CNDP2: variants seen among roughly 807,000 people sequenced by gnomAD.
CNDP2 encodes the protein cytosolic non-specific dipeptidase.
A neutral mutation model predicts 55.0 loss-of-function variants in CNDP2; 38 were observed. The ratio of observed to expected loss-of-function variants is 0.69; its 90% confidence interval spans 0.53 to 0.90. The LOEUF is 0.90. CNDP2 is among the 40% of genes least tolerant of loss of function. CNDP2 has a pLI of 0.00. For missense variants in CNDP2, 607 were observed against 621.7 expected (o/e 0.98, Z 0.25); for synonymous variants, 241 against 260.2 (o/e 0.93, Z 0.71).
rs140625371 is a variant in CNDP2, at chr18:74,505,905, C to T, written c.261C>T (p.Ser87=). The T allele has an allele frequency of 1.6e-4, 252 of 1,611,814 alleles. No homozygotes were observed. The highest frequency in any genetic ancestry group is 1.6e-4 in the Middle Eastern group (1 of 6,078). Residue 87 remains serine (S), a synonymous_variant, in exon 4 of 12, where the codon TCC becomes TCT. Coordinates refer to ENST00000324262, the MANE Select transcript of CNDP2 (RefSeq NM_018235.3). ...CTATTCTGCTCGGCAGGCTGGGCTC[C>T]GACCCACAGAAGAAGACCGTGTGCA... ...LPPILLGRLG[S]DPQKKTVCIY...
chr18:74,510,723 C>G, intron 5 of CNDP2, 90 bp from the exon 6 acceptor site: 1 of 1,142,586 alleles, frequency 8.8e-7, no homozygotes, highest in Non-Finnish European at 1.3e-6. Context: ...TGGAGAATGC[C>G]GGAGATGTGA....
rs1030024003 is a variant in CNDP2, at chr18:74,522,841, G to T, written c.*2773G>T. On this transcript the variant is annotated 3_prime_UTR_variant, in exon 12 of 12. Transcript: ENST00000324262. ...CCTGCAGCAGCCTGCGGCGGTCACC[G>T]TGCTAACACGTGCAGCAGCCTGTGT... 1 of 152,306 alleles carries T rather than the reference G, an allele frequency of 6.6e-6. No homozygotes were observed. The highest frequency in any genetic ancestry group is 6.5e-5 in the Admixed American group (1 of 15,292). 9.4% of individuals were successfully genotyped at this position (152,306 alleles called of 1,614,324 possible). A position where few individuals can be genotyped will look rare whatever the true frequency, so the allele number is the denominator to read the frequency against.
intron 10 of CNDP2, 82 bp from the exon 11 acceptor site, chr18:74,518,867 T>G: frequency 6.3e-7 from 1 of 1,578,894 alleles, no homozygotes; most frequent in Non-Finnish European, 8.6e-7. Context: ...TCTGACTGAG[T>G]GCTACTGAGT....
At chr18:74,510,455 C>G (rs1028629512) in intron 5 of CNDP2, among the ~76,000 whole-genome samples, 1 of 152,224 alleles carries the variant, frequency 6.6e-6, no homozygotes, top group Non-Finnish European at 1.5e-5. Flanking sequence ...GAAGGTCACA[C>G]AGGAGGACCC....
intron 3 of CNDP2, 130 bp downstream of exon 3, chr18:74,501,602 G>T (rs1003993094): frequency 2.4e-5 from 29 of 1,228,746 alleles, no homozygotes; most frequent in Non-Finnish European, 3.2e-5. Flanking sequence ...AAAAAAGGAA[G>T]GGCCTGATTT....
At chr18:74,509,090 G>T in intron 5 of CNDP2, 162 bp downstream of exon 5, 1 of 579,082 alleles carries the variant, frequency 1.7e-6, no homozygotes, top group Non-Finnish European at 3.1e-6. Context: ...TAAGAGTATA[G>T]GTTTGTTTTC....
At chr18:74,518,817 C>T in intron 10 of CNDP2, 132 bp from the exon 11 acceptor site, 1 of 1,468,608 alleles carries the variant, frequency 6.8e-7, no homozygotes, top group East Asian at 2.3e-5. Context: ...CCTGGCGGAC[C>T]TTGAACGCGG....
At chr18:74,514,005 A>T (rs547444740) in intron 8 of CNDP2, among the ~76,000 whole-genome samples, 5 of 152,306 alleles carry the variant, frequency 3.3e-5, no homozygotes, top group South Asian at 2.1e-4. Context: ...TTTATAGAGT[A>T]ACCTCCTTAC....
chr18:74,520,022 A>C lies in CNDP2; in HGVS notation c.1382A>C (p.Lys461Thr). 1 of 1,614,150 alleles carries C rather than the reference A, an allele frequency of 6.2e-7. No homozygotes were observed. Among genetic ancestry groups the C allele is most frequent in the Non-Finnish European group, 8.5e-7 (1 of 1,180,012 alleles). The change falls in exon 12 of 12, where the codon AAG (lysine) becomes ACG (threonine). Residue 461 changes from lysine to threonine, a missense_variant. Transcript: ENST00000324262. ...LNRYNYIEGT[K>T]MLAAYLYEVS... ...AGGTATAACTACATAGAGGGAACCAAGATGCTGGCCGCGTACCTGTATGAG... is the reference window on the plus strand; with the variant it reads ...AGGTATAACTACATAGAGGGAACCACGATGCTGGCCGCGTACCTGTATGAG...
At chr18:74,519,787 T>C (rs1034094610) in intron 11 of CNDP2, among the ~76,000 whole-genome samples, 1 of 152,200 alleles carries the variant, frequency 6.6e-6, no homozygotes, top group Non-Finnish European at 1.5e-5. Flanking sequence ...GGGACCAGGA[T>C]TGGTCTCTGG....
At chr18:74,518,718 G>T (rs1218740221) in intron 10 of CNDP2, 78 bp downstream of exon 10, 33 of 1,575,380 alleles carry the variant, frequency 2.1e-5, no homozygotes, top group Non-Finnish European at 2.6e-5. Context: ...TCGCGTGGGC[G>T]TGTAGCTATG....
In CNDP2 at chr18:74,520,132, A is replaced by G. The variant is rs370035992; in HGVS notation, c.*64A>G. On this transcript the variant is annotated 3_prime_UTR_variant, in exon 12 of 12. Transcript: ENST00000324262. ...CCTGCCCTCACCTCACCCTTTTCCA[A>G]CTTGCCCAGGGAAGTGGAGGTTCCC... The G allele has an allele frequency of 2.0e-6, 3 of 1,536,444 alleles. No homozygotes were observed. Among genetic ancestry groups the G allele is most frequent in the Non-Finnish European group, 2.7e-6 (3 of 1,112,112 alleles).
At position 74,501,356 on chromosome 18, in the gene CNDP2, AGT is replaced by A. The variant is rs1201912821; in HGVS notation, c.93_94del (p.Ser32CysfsTer21). On this transcript the variant is annotated frameshift_variant, in exon 3 of 12. Transcript: ENST00000324262. LOFTEE classifies it high-confidence loss of function. The part of the protein sequence containing the change: ...KKLAKWVAIQ[S>X]VSAWPEKRGE... ...ACTCGCAAAATGGGTGGCTATCCAG[AGT>A]GTGTCTGCGTGGCCGGAGAAGAGAG... 1.2e-6 allele frequency: 2 copies of A among 1,613,640 alleles called. No individual in the cohort carries two copies. Among genetic ancestry groups the A allele is most frequent in the Non-Finnish European group, 8.5e-7 (1 of 1,179,828 alleles).
intron 4 of CNDP2, chr18:74,507,091 G>A (rs902610623): frequency 1.3e-5 from 2 of 152,208 alleles, no homozygotes; most frequent in Non-Finnish European, 2.9e-5. Flanking sequence ...GTAATTCCAT[G>A]TCATTGTCCT....
Position 74,506,040 on chromosome 18 carries a change from GA to G in CNDP2, c.367+30del, listed in dbSNP as rs781330972. ...AGCGCCGCGCGCCTATGCGTGCCCA[GA>G]GGAAAGGCACTGACTTTTGGAAAGT... is the stretch of plus-strand genomic sequence containing the variant. On this transcript the variant is annotated intron_variant, in intron 4 of 11. Coordinates refer to ENST00000324262, the MANE Select transcript of CNDP2 (RefSeq NM_018235.3). 3.3e-6 allele frequency: 5 copies of G among 1,527,018 alleles called. No individual in the cohort carries two copies. In the South Asian group the frequency reaches 3.9e-5, roughly 12 times the overall value. The allele number at this position is 1,527,018 out of a possible 1,614,324, so 94.6% of individuals were successfully genotyped here.
chr18:74,518,210 C>T lies in CNDP2; in HGVS notation c.1069-289C>T, dbSNP rs188781605. 5.2e-3 allele frequency: 1,091 copies of T among 211,172 alleles called. 2 individuals carry two copies. Among genetic ancestry groups the T allele is most frequent in the Middle Eastern group, 0.014 (7 of 504 alleles). The allele number at this position is 211,172 out of a possible 1,614,324, so 13.1% of individuals were successfully genotyped here. A position where few individuals can be genotyped will look rare whatever the true frequency, so the allele number is the denominator to read the frequency against. On this transcript the variant is annotated intron_variant, in intron 9 of 11. Coordinates refer to ENST00000324262, the MANE Select transcript of CNDP2 (RefSeq NM_018235.3). Reference sequence around the variant, plus strand: ...CCGGGAGGCGGAGCTTGCAGTGAGCCGAGATCACGCCACTGTGCTCCAGCC... The same window carrying T: ...CCGGGAGGCGGAGCTTGCAGTGAGCTGAGATCACGCCACTGTGCTCCAGCC...
intron 5 of CNDP2, chr18:74,509,764 A>G (rs574996818): frequency 6.6e-6 from 1 of 152,294 alleles, no homozygotes; most frequent in Admixed American, 6.5e-5. Flanking sequence ...GAAATCTACC[A>G]AGATTTTCTG....
At chr18:74,505,213 A>G (rs1281874162) in intron 3 of CNDP2, 1 of 152,286 alleles carries the variant, frequency 6.6e-6, no homozygotes, top group Non-Finnish European at 1.5e-5. Flanking sequence ...TATTTTAACC[A>G]TCATTTCAGA....
intron 9 of CNDP2, 101 bp downstream of exon 9, chr18:74,516,493 A>G: frequency 8.3e-7 from 1 of 1,199,138 alleles, no homozygotes; most frequent in Non-Finnish European, 1.1e-6. Context: ...CGGGCCATGC[A>G]TGCCCCCGCT....
Sources: allele counts gnomAD v4.1 joint callset (sites outside exome capture counted in the v4.1 genomes callset), GRCh38; gene constraint gnomAD v4.1.1; transcripts MANE v1.5; gene names NCBI Gene and HGNC (gene_info 2026-07-23, HGNC 2026-07-21).